RALGPS1: variants seen among roughly 807,000 people sequenced by gnomAD.
The protein encoded by RALGPS1 is Ral GEF with PH domain and SH3 binding motif 1.
In RALGPS1, 19 loss-of-function variants were observed where a neutral mutation model predicts 78.8. That is an observed-to-expected ratio of 0.24 (90% CI 0.17 to 0.35). The LOEUF (loss-of-function observed/expected upper bound fraction) is 0.35. RALGPS1 is among the 10% of genes least tolerant of loss of function. RALGPS1 has a pLI of 1.00. For synonymous variants in RALGPS1, 228 were observed against 256.3 expected, an observed-to-expected ratio of 0.89 and a Z score of 1.06; for missense variants, 454 against 688.3, an observed-to-expected ratio of 0.66 and a Z score of 3.81.
intron 11 of RALGPS1, chr9:127,177,956 G>T (rs2059976300): frequency 3.9e-6 from 6 of 1,547,758 alleles, no homozygotes; most frequent in Non-Finnish European, 5.2e-6. Context: ...CCTGGCAGGG[G>T]ACAGAATGGA....
chr9:126,961,758 T>C (rs2038919403), intron 1 of RALGPS1, among the ~76,000 whole-genome samples: 1 of 152,198 alleles, frequency 6.6e-6, no homozygotes, highest in African/African-American at 2.4e-5. Context: ...ATTGAGCCAC[T>C]GCACTCCAGT....
chr9:127,107,815 T>C lies in RALGPS1; in HGVS notation c.610+38459T>C, dbSNP rs190849397. ...GGATTGTGCATGTCTTTGGCCTGGC[T>C]TCAACTGGCCATGGCTTTTCCCCAT... On this transcript the variant is annotated intron_variant, in intron 8 of 18. Transcript: ENST00000259351. 1.2e-5 allele frequency: 15 copies of C among 1,291,334 alleles called. No homozygotes were observed. In the South Asian group the frequency reaches 2.0e-4, roughly 17 times the overall value. 80.0% of individuals were successfully genotyped at this position (1,291,334 alleles called of 1,614,324 possible).
At position 126,970,655 on chromosome 9, in the gene RALGPS1, A is replaced by G. The variant is rs116249918; in HGVS notation, c.165+4704A>G. 2.0e-3 allele frequency among the ~76,000 whole-genome samples: 309 copies of G among 152,204 alleles called. 1 individual carries two copies. Among genetic ancestry groups the G allele is most frequent in the African/African-American group, 7.0e-3 (290 of 41,522 alleles). On this transcript the variant is annotated intron_variant, in intron 3 of 18. Transcript: ENST00000259351. ...TGTATGTGTGTGAGTGAGAGAGAGAAATCTCAAGAAATAGTGGCTATGGTG... is the reference window on the plus strand; with the variant it reads ...TGTATGTGTGTGAGTGAGAGAGAGAGATCTCAAGAAATAGTGGCTATGGTG...
chr9:127,004,511 G>A (rs1536704), intron 4 of RALGPS1, among the ~76,000 whole-genome samples: 57,422 of 152,080 alleles, frequency 0.38, 12,660 homozygotes, highest in Non-Finnish European at 0.48. Flanking sequence ...TACTCTAAAG[G>A]GTTGGGATGG....
chr9:127,102,680 G>A (rs1163347243), intron 8 of RALGPS1, among the ~76,000 whole-genome samples: 1 of 152,160 alleles, frequency 6.6e-6, no homozygotes, highest in African/African-American at 2.4e-5. Flanking sequence ...GTTCCCCAAG[G>A]TACCAGAAGA....
intron 4 of RALGPS1, among the ~76,000 whole-genome samples, chr9:126,992,492 A>G (rs1296967393): frequency 6.6e-6 from 1 of 152,224 alleles, no homozygotes; most frequent in African/African-American, 2.4e-5. Context: ...TGTTCTGACT[A>G]TTCTAATCCT....
chr9:126,989,717 G>C (rs2042111689), intron 4 of RALGPS1, among the ~76,000 whole-genome samples: 1 of 152,182 alleles, frequency 6.6e-6, no homozygotes, highest in Non-Finnish European at 1.5e-5. Flanking sequence ...GAGGAGGTGG[G>C]AGCAGCATTA....
At chr9:127,003,067 T>G (rs1451944170) in intron 4 of RALGPS1, among the ~76,000 whole-genome samples, 1 of 152,166 alleles carries the variant, frequency 6.6e-6, no homozygotes, top group Non-Finnish European at 1.5e-5. Flanking sequence ...CCACCAACAG[T>G]GTAAAAGTGT....
intron 10 of RALGPS1, among the ~76,000 whole-genome samples, chr9:127,172,276 C>G (rs565959934): frequency 2.0e-5 from 3 of 152,334 alleles, no homozygotes; most frequent in African/African-American, 4.8e-5. Flanking sequence ...GGCCGTGTGC[C>G]GTTGCCTCTG....
At chr9:127,209,322 G>A (rs902369164) in intron 14 of RALGPS1, among the ~76,000 whole-genome samples, 3 of 152,224 alleles carry the variant, frequency 2.0e-5, no homozygotes, top group Non-Finnish European at 2.9e-5. Context: ...ATGTGGTGCC[G>A]GTAACAGTGA....
intron 1 of RALGPS1, among the ~76,000 whole-genome samples, chr9:126,932,969 C>T (rs149945461): frequency 2.1e-3 from 324 of 152,124 alleles, no homozygotes; most frequent in Middle Eastern, 0.017. Flanking sequence ...ATTCAGTTGG[C>T]GGCCTGTGTT....
intron 1 of RALGPS1, among the ~76,000 whole-genome samples, chr9:126,938,666 G>C (rs906315500): frequency 6.6e-6 from 1 of 152,232 alleles, no homozygotes; most frequent in African/African-American, 2.4e-5. Flanking sequence ...TTCAAAGTAG[G>C]CTTGCTCAGA....
At chr9:127,199,912 G>A (rs1193424082) in intron 14 of RALGPS1, among the ~76,000 whole-genome samples, 5 of 140,916 alleles carry the variant, frequency 3.5e-5, no homozygotes, top group African/African-American at 9.9e-5. Flanking sequence ...ACACACACAC[G>A]TACACATGCA....
intron 4 of RALGPS1, among the ~76,000 whole-genome samples, chr9:127,025,031 G>C (rs181927204): frequency 6.6e-6 from 1 of 152,172 alleles, no homozygotes; most frequent in African/African-American, 2.4e-5. Flanking sequence ...AACCCCAAAA[G>C]TTCTGTGTGC....
intron 4 of RALGPS1, among the ~76,000 whole-genome samples, chr9:127,000,324 T>C (rs12339492): frequency 0.057 from 8,657 of 152,176 alleles, 469 homozygotes; most frequent in East Asian, 0.18. Flanking sequence ...AATGTAGGCA[T>C]CTAATGCTAT....
intron 1 of RALGPS1, among the ~76,000 whole-genome samples, chr9:126,956,975 A>G (rs534933388): frequency 6.6e-6 from 1 of 152,322 alleles, no homozygotes; most frequent in South Asian, 2.1e-4. Flanking sequence ...GCATTGACTG[A>G]CTAGGGTTTG....
chr9:127,021,361 G>A (rs1363478347), intron 4 of RALGPS1, among the ~76,000 whole-genome samples: 1 of 151,932 alleles, frequency 6.6e-6, no homozygotes, highest in Non-Finnish European at 1.5e-5. Context: ...AACTTAGCCG[G>A]GCATATTGGT....
intron 4 of RALGPS1, among the ~76,000 whole-genome samples, chr9:127,024,778 C>T (rs188391228): frequency 0.011 from 1,690 of 152,168 alleles, 14 homozygotes; most frequent in Middle Eastern, 0.034. Context: ...TTTTATATTT[C>T]CCCAGAGGCT....
chr9:126,995,882 CA>C (rs1451061923), intron 4 of RALGPS1, among the ~76,000 whole-genome samples: 1 of 152,096 alleles, frequency 6.6e-6, no homozygotes, highest in Admixed American at 6.5e-5. Context: ...GAAACTCACT[CA>C]AAACCACTCA....
Sources: allele counts gnomAD v4.1 joint callset (sites outside exome capture counted in the v4.1 genomes callset), GRCh38; gene constraint gnomAD v4.1.1; transcripts MANE v1.5; gene names NCBI Gene and HGNC (gene_info 2026-07-23, HGNC 2026-07-21).